The following RALY variants were observed in gnomAD, a reference collection of about 807,000 sequenced individuals.
The protein encoded by RALY is RNA-binding protein Raly.
Under a neutral mutation model 30.7 loss-of-function variants are expected in RALY, and 15 were observed. That is an observed-to-expected ratio of 0.49 (90% CI 0.33 to 0.75). The LOEUF is 0.75. Among genes scored for constraint, RALY ranks in the 30% least tolerant of loss-of-function variants. The pLI is 0.02. For missense variants in RALY, 339 were observed against 414.3 expected (o/e 0.82, Z 1.58); for synonymous variants, 177 against 170.8 (o/e 1.04, Z -0.28).
At chr20:34,041,710 A>G (rs1021166685) in intron 2 of RALY, among the ~76,000 whole-genome samples, 2 of 152,202 alleles carry the variant, frequency 1.3e-5, no homozygotes, top group Non-Finnish European at 2.9e-5. Flanking sequence ...ATCAATTGCC[A>G]TAAAATCATG....
At chr20:34,000,609 C>T (rs538383806) in intron 1 of RALY, among the ~76,000 whole-genome samples, 71 of 152,238 alleles carry the variant, frequency 4.7e-4, no homozygotes, top group African/African-American at 1.6e-3. Flanking sequence ...GATATTGTCC[C>T]TGGGCTCTAG....
At chr20:34,035,638 C>T (rs1042098821) in intron 2 of RALY, among the ~76,000 whole-genome samples, 2 of 152,128 alleles carry the variant, frequency 1.3e-5, no homozygotes, top group Non-Finnish European at 2.9e-5. Flanking sequence ...CTCCTATATA[C>T]GTTTTTCTTT....
chr20:34,034,850 A>G (rs1358907337), intron 2 of RALY, among the ~76,000 whole-genome samples: 2 of 152,198 alleles, frequency 1.3e-5, no homozygotes, highest in Non-Finnish European at 2.9e-5. Flanking sequence ...GGGTGAAAGA[A>G]GAAGTTAAAA....
intron 2 of RALY, among the ~76,000 whole-genome samples, chr20:34,034,273 G>A (rs1350574704): frequency 1.2e-4 from 19 of 152,122 alleles, no homozygotes. Context: ...CCAACGATGG[G>A]GGCCATTCTC....
In RALY at chr20:34,081,630, G is replaced by C. The variant is rs749337902; in HGVS notation, c.*1725G>C. 1 of 152,240 alleles carries C rather than the reference G, an allele frequency of 6.6e-6. No homozygotes were observed. Among genetic ancestry groups the C allele is most frequent in the Non-Finnish European group, 1.5e-5 (1 of 68,064 alleles). 9.4% of individuals were successfully genotyped at this position (152,240 alleles called of 1,614,324 possible). On this transcript the variant is annotated 3_prime_UTR_variant, in exon 10 of 10. Coordinates refer to ENST00000246194, the MANE Select transcript of RALY (RefSeq NM_016732.3). ...TCCTGGGCTTTGGCTCCATGTTTTG[G>C]TAGAGGGTGGAGGCTTTGGGCAGTG... is the stretch of plus-strand genomic sequence containing the variant.
chr20:34,068,501 T>C (rs1251264644), intron 2 of RALY, among the ~76,000 whole-genome samples: 1 of 152,164 alleles, frequency 6.6e-6, no homozygotes, highest in Non-Finnish European at 1.5e-5. Flanking sequence ...GACATATGTT[T>C]AACCACTCCC....
intron 2 of RALY, among the ~76,000 whole-genome samples, chr20:34,062,524 T>A (rs143164529): frequency 6.6e-6 from 1 of 152,340 alleles, no homozygotes; most frequent in East Asian, 1.9e-4. Flanking sequence ...AGAAGAACAC[T>A]CTTATTCCAT....
chr20:34,023,364 G>A (rs2031900974), intron 1 of RALY, among the ~76,000 whole-genome samples: 1 of 152,118 alleles, frequency 6.6e-6, no homozygotes, highest in African/African-American at 2.4e-5. Flanking sequence ...AGTGAACGGT[G>A]GTCAAAGCAC....
At chr20:34,006,363 A>T (rs1175633667) in intron 1 of RALY, among the ~76,000 whole-genome samples, 1 of 152,232 alleles carries the variant, frequency 6.6e-6, no homozygotes, top group Non-Finnish European at 1.5e-5. Flanking sequence ...AAACAATTAT[A>T]ATGCCATTAC....
At chr20:34,002,077 C>T (rs770859680) in intron 1 of RALY, among the ~76,000 whole-genome samples, 1 of 152,122 alleles carries the variant, frequency 6.6e-6, no homozygotes, top group African/African-American at 2.4e-5. Context: ...ACGTCGTTTC[C>T]TTTTTACCTG....
intron 1 of RALY, among the ~76,000 whole-genome samples, chr20:34,015,907 C>G (rs1051081094): frequency 2.6e-5 from 4 of 152,084 alleles, no homozygotes; most frequent in South Asian, 4.1e-4. Context: ...CACAAAGTAT[C>G]TCCCTTACAC....
chr20:34,011,437 A>T (rs557114151), intron 1 of RALY, among the ~76,000 whole-genome samples: 1 of 152,350 alleles, frequency 6.6e-6, no homozygotes, highest in South Asian at 2.1e-4. Context: ...AGACAAAAAC[A>T]TATCCTTGGG....
intron 5 of RALY, 87 bp downstream of exon 5, chr20:34,073,953 C>A: frequency 6.9e-7 from 1 of 1,442,030 alleles, no homozygotes; most frequent in Non-Finnish European, 9.6e-7. Context: ...CTGAGTTCTC[C>A]AAATGAGAAC....
intron 6 of RALY, chr20:34,076,265 A>G: frequency 1.6e-6 from 1 of 618,176 alleles, no homozygotes; most frequent in Non-Finnish European, 2.8e-6. Flanking sequence ...TATGGTGCCC[A>G]GTGAAGAAAT....
intron 1 of RALY, among the ~76,000 whole-genome samples, chr20:33,999,942 G>C (rs1010257495): frequency 1.3e-5 from 2 of 152,148 alleles, no homozygotes; most frequent in Admixed American, 6.5e-5. Context: ...ATTCTAGGTG[G>C]TGGTTTAGAT....
intron 6 of RALY, 85 bp from the exon 7 acceptor site, chr20:34,076,616 TG>T: frequency 8.4e-7 from 1 of 1,192,630 alleles, no homozygotes; most frequent in Non-Finnish European, 1.2e-6. Context: ...ACTGCTTTCC[TG>T]GTTGAAAGAA....
chr20:34,042,437 G>GTA (rs2032735758), intron 2 of RALY, among the ~76,000 whole-genome samples: 1 of 152,176 alleles, frequency 6.6e-6, no homozygotes, highest in African/African-American at 2.4e-5. Context: ...TGAGCTGTAT[G>GTA]TCATTATGTC....
At chr20:33,998,970 T>TA (rs969595292) in intron 1 of RALY, among the ~76,000 whole-genome samples, 12 of 147,556 alleles carry the variant, frequency 8.1e-5, no homozygotes, top group East Asian at 5.9e-4. Context: ...CTACTAAAAA[T>TA]AAAAAAAAAA....
chr20:34,043,068 A>G (rs918857020), intron 2 of RALY, among the ~76,000 whole-genome samples: 28 of 152,266 alleles, frequency 1.8e-4, no homozygotes, highest in Admixed American at 5.9e-4. Context: ...CAGGGAACAG[A>G]TGTGACCTCT....
Sources: gnomAD v4.1 joint callset for allele counts (sites outside exome capture counted in the v4.1 genomes callset) on GRCh38, gnomAD v4.1.1 for gene constraint, MANE v1.5 for transcripts, NCBI Gene and HGNC (gene_info 2026-07-23, HGNC 2026-07-21) for gene names.